The following ZYG11B variants were observed in gnomAD, a reference collection of about 807,000 sequenced individuals.
ZYG11B encodes protein zyg-11 homolog B.
A neutral mutation model predicts 82.4 loss-of-function variants in ZYG11B; 36 were observed. The observed-to-expected ratio is 0.44, with a 90% confidence interval of 0.33 to 0.58. ZYG11B has a LOEUF of 0.58. Ranked by LOEUF, ZYG11B falls within the 20% of genes least tolerant of loss-of-function variation. The pLI, the probability that ZYG11B is intolerant of heterozygous loss-of-function variation, is 0.02. For missense variants in ZYG11B, 552 were observed against 895.6 expected (o/e 0.62, Z 4.90); for synonymous variants, 303 against 312.8 (o/e 0.97, Z 0.33).
In ZYG11B at chr1:52,733,472, G is replaced by A. The variant is rs569439034; in HGVS notation, c.30+6789G>A. Among the ~76,000 whole-genome samples, 735 of 152,138 alleles carry A rather than the reference G, an allele frequency of 4.8e-3. 3 individuals carry two copies. Among genetic ancestry groups the A allele is most frequent in the Non-Finnish European group, 7.6e-3 (515 of 68,010 alleles). Reference sequence around the variant, plus strand: ...GTGGATTGCTTGAGCCCAGGAGTTCGAGACCAGCCTGGACAAGATAGTGAG... The same window carrying A: ...GTGGATTGCTTGAGCCCAGGAGTTCAAGACCAGCCTGGACAAGATAGTGAG... On this transcript the variant is annotated intron_variant, in intron 1 of 13. Transcript: ENST00000294353.
Position 52,803,173 on chromosome 1 carries a change from C to T in ZYG11B, c.1695+1034C>T, listed in dbSNP as rs1044506287. ...ATATATACACATATATATATACACA[C>T]ATATATATATATATACACATATATA... On this transcript the variant is annotated intron_variant, in intron 10 of 13. Coordinates refer to ENST00000294353, the MANE Select transcript of ZYG11B (RefSeq NM_024646.3). Among the ~76,000 whole-genome samples, 22 of 55,458 alleles carry T rather than the reference C, an allele frequency of 4.0e-4. 2 individuals are homozygous for T. The African/African-American group carries it at 4.1e-3, about 10-fold the overall frequency. 36.4% of individuals were successfully genotyped at this position (55,458 alleles called of 152,430 possible).
intron 8 of ZYG11B, among the ~76,000 whole-genome samples, chr1:52,797,180 TTA>T (rs1247010661): frequency 6.7e-5 from 5 of 74,320 alleles, no homozygotes; most frequent in Non-Finnish European, 1.1e-4. Context: ...TTATATATAT[TTA>T]TATATTATAT....
rs869260265 is a variant in ZYG11B, at chr1:52,817,777, GTATA to G, written c.2044+1184_2044+1187del. Among the ~76,000 whole-genome samples the G allele has an allele frequency of 3.9e-3, 163 of 41,502 alleles. 1 individual carries two copies. Among genetic ancestry groups the G allele is most frequent in the South Asian group, 8.9e-3 (9 of 1,010 alleles). The allele number at this position is 41,502 out of a possible 152,430, so 27.2% of individuals were successfully genotyped here. On this transcript the variant is annotated intron_variant, in intron 13 of 13. Coordinates refer to ENST00000294353, the MANE Select transcript of ZYG11B (RefSeq NM_024646.3). Reference sequence around the variant, plus strand: ...AATAGTAAAGTGTGTATATATATGTGTATATATATATATATATATATATATATAT... The same window carrying G: ...AATAGTAAAGTGTGTATATATATGTGTATATATATATATATATATATATAT...
chr1:52,736,663 G>A (rs1446419524), intron 1 of ZYG11B, among the ~76,000 whole-genome samples: 1 of 152,130 alleles, frequency 6.6e-6, no homozygotes, highest in Non-Finnish European at 1.5e-5. Flanking sequence ...ATGTTGGCCA[G>A]GCTGGTCTCG....
intron 1 of ZYG11B, among the ~76,000 whole-genome samples, chr1:52,753,517 T>A (rs1040352139): frequency 4.6e-5 from 7 of 152,092 alleles, no homozygotes; most frequent in African/African-American, 1.7e-4. Flanking sequence ...CCTCCCAGGT[T>A]CAAGCAATTC....
At position 52,792,332 on chromosome 1, in the gene ZYG11B, TCTGA is replaced by T. The variant is rs1432499021; in HGVS notation, c.1334+2270_1334+2273del. 3.9e-5 allele frequency among the ~76,000 whole-genome samples: 6 copies of T among 152,322 alleles called. No individual in the cohort carries two copies. In the South Asian group the frequency reaches 6.2e-4, roughly 16 times the overall value. ...CCCACACAAGGAAGGAAAGATTCTG[TCTGA>T]CTGATGATCATTAAGGATTTCCTGT... is the stretch of plus-strand genomic sequence containing the variant. On this transcript the variant is annotated intron_variant, in intron 6 of 13. Transcript: ENST00000294353.
intron 1 of ZYG11B, among the ~76,000 whole-genome samples, chr1:52,750,401 T>C (rs1644511147): frequency 1.3e-5 from 2 of 152,028 alleles, no homozygotes; most frequent in Admixed American, 1.3e-4. Context: ...GCCTGCTGAA[T>C]AGCTGGGATT....
chr1:52,755,469 G>A (rs1644566386), intron 1 of ZYG11B, among the ~76,000 whole-genome samples: 1 of 152,028 alleles, frequency 6.6e-6, no homozygotes, highest in African/African-American at 2.4e-5. Flanking sequence ...TCTAGGTGTT[G>A]CATTTCCATA....
chr1:52,803,097 T>TATATATATATAC (rs1212524091), intron 10 of ZYG11B, among the ~76,000 whole-genome samples: 3 of 44,850 alleles, frequency 6.7e-5, no homozygotes, highest in South Asian at 6.7e-4. Context: ...CATATATATA[T>TATATATATATAC]ACATATATAT....
chr1:52,727,952 T>G (rs980043041), intron 1 of ZYG11B, among the ~76,000 whole-genome samples: 2 of 152,164 alleles, frequency 1.3e-5, no homozygotes, highest in African/African-American at 4.8e-5. Flanking sequence ...CCTCCAGCAG[T>G]TTTTTAGAAA....
chr1:52,777,238 G>A (rs1464667053), intron 3 of ZYG11B, among the ~76,000 whole-genome samples: 1 of 151,920 alleles, frequency 6.6e-6, no homozygotes, highest in African/African-American at 2.4e-5. Context: ...GAGAAAAGAC[G>A]TAAAGTAATG....
intron 1 of ZYG11B, among the ~76,000 whole-genome samples, chr1:52,733,572 G>A (rs1299023641): frequency 6.6e-6 from 1 of 152,066 alleles, no homozygotes; most frequent in African/African-American, 2.4e-5. Context: ...GAGGTGGGAG[G>A]ATTGCTTGAG....
At chr1:52,730,365 C>T (rs765825611) in intron 1 of ZYG11B, among the ~76,000 whole-genome samples, 6 of 152,034 alleles carry the variant, frequency 3.9e-5, no homozygotes, top group Non-Finnish European at 7.4e-5. Flanking sequence ...CTGGCTCTGC[C>T]GCCTAGACTG....
chr1:52,789,729 T>C (rs1410351356), intron 5 of ZYG11B, among the ~76,000 whole-genome samples: 1 of 152,058 alleles, frequency 6.6e-6, no homozygotes, highest in Non-Finnish European at 1.5e-5. Flanking sequence ...GAAGACAAGG[T>C]TACTTCATAG....
rs1182067343 is a variant in ZYG11B at position 52,821,464 on chromosome 1, T to A, written c.2070T>A (p.Ile690=). 6.3e-7 allele frequency: 1 copy of A among 1,597,506 alleles called. No individual in the cohort carries two copies. The highest frequency in any genetic ancestry group is 8.5e-7 in the Non-Finnish European group (1 of 1,170,288). ...KNPSRYCSML[I]EEGGLQHLYN... ...CTTCAAGGTATTGCAGCATGCTGAT[T>A]GAAGAAGGAGGATTGCAGCATTTAT... The change falls in exon 14 of 14, where the codon ATT becomes ATA. Residue 690 remains isoleucine (I), a synonymous_variant. Transcript: ENST00000294353.
At chr1:52,748,904 A>C (rs1288980355) in intron 1 of ZYG11B, among the ~76,000 whole-genome samples, 3 of 146,688 alleles carry the variant, frequency 2.0e-5, no homozygotes, top group African/African-American at 7.5e-5. Flanking sequence ...TCCATCTCAA[A>C]AAAAAAAAAA....
intron 4 of ZYG11B, among the ~76,000 whole-genome samples, chr1:52,783,882 A>ATGTACATACACGTGTGCG (rs74208826): frequency 4.8e-5 from 6 of 126,012 alleles, no homozygotes; most frequent in African/African-American, 1.7e-4. Context: ...ACGTGTGTGT[A>ATGTACATACACGTGTGCG]TATGTACATA....
chr1:52,774,495 A>G (rs1434680567), intron 3 of ZYG11B, among the ~76,000 whole-genome samples: 3 of 151,032 alleles, frequency 2.0e-5, no homozygotes, highest in Non-Finnish European at 4.4e-5. Context: ...TTTGGTAGAG[A>G]TGGGGTTTTA....
chr1:52,736,308 TTCTC>T (rs1385661802), intron 1 of ZYG11B, among the ~76,000 whole-genome samples: 2 of 151,716 alleles, frequency 1.3e-5, no homozygotes, highest in Non-Finnish European at 2.9e-5. Flanking sequence ...GAGACAGAGT[TTCTC>T]TCTGTCACCC....
Sources: allele counts gnomAD v4.1 joint callset (sites outside exome capture counted in the v4.1 genomes callset), GRCh38; gene constraint gnomAD v4.1.1; transcripts MANE v1.5; gene names NCBI Gene and HGNC (gene_info 2026-07-23, HGNC 2026-07-21).